The following HEATR5A variants were observed in gnomAD, a reference collection of about 807,000 sequenced individuals.
HEATR5A encodes the protein HEAT repeat containing 5A.
In HEATR5A, 178 loss-of-function variants were observed where a neutral mutation model predicts 218.8. That is an observed-to-expected ratio of 0.81 (90% CI 0.72 to 0.92). The LOEUF (loss-of-function observed/expected upper bound fraction) is 0.92, where lower values mean the gene tolerates loss of function less well. HEATR5A is among the 40% of genes least tolerant of loss of function. HEATR5A has a pLI of 0.00. For synonymous variants in HEATR5A, 864 were observed against 871.6 expected (o/e 0.99, Z 0.15); for missense variants, 2,420 against 2,418.9 (o/e 1.00, Z -0.01).
At chr14:31,303,202 A>C (rs140867614) in intron 32 of HEATR5A, among the ~76,000 whole-genome samples, 5,439 of 152,292 alleles carry the variant, frequency 0.036, 281 homozygotes, top group African/African-American at 0.12. Flanking sequence ...TGGGAGGCCA[A>C]GGCGGGTAGA....
At chr14:31,340,450 C>T (rs1374274919) in intron 21 of HEATR5A, 1 of 1,288,552 alleles carries the variant, frequency 7.8e-7, no homozygotes, top group Non-Finnish European at 1.0e-6. Flanking sequence ...AGGGACCTAC[C>T]AACACAGAAT....
chr14:31,357,154 G>C (rs1901452650), intron 16 of HEATR5A, among the ~76,000 whole-genome samples: 1 of 152,028 alleles, frequency 6.6e-6, no homozygotes, highest in Non-Finnish European at 1.5e-5. Flanking sequence ...TATAGTTACA[G>C]TATTACAGGA....
At chr14:31,328,618 G>A (rs1900352520) in intron 22 of HEATR5A, among the ~76,000 whole-genome samples, 2 of 152,048 alleles carry the variant, frequency 1.3e-5, no homozygotes, top group African/African-American at 4.8e-5. Context: ...AGTGGCTCAC[G>A]CCCATAATCC....
chr14:31,336,056 C>G (rs1447499895), intron 22 of HEATR5A, among the ~76,000 whole-genome samples: 1 of 150,202 alleles, frequency 6.7e-6, no homozygotes, highest in African/African-American at 2.4e-5. Flanking sequence ...ACAGCAACCT[C>G]AAACTCCTGG....
At chr14:31,410,248 C>T (rs2031227540) in intron 1 of HEATR5A, among the ~76,000 whole-genome samples, 1 of 152,162 alleles carries the variant, frequency 6.6e-6, no homozygotes, top group Non-Finnish European at 1.5e-5. Flanking sequence ...CTTCAACTCA[C>T]CCTATAGTCT....
At chr14:31,313,340 TAC>T in intron 27 of HEATR5A, 150 bp from the exon 28 acceptor site, 1 of 629,494 alleles carries the variant, frequency 1.6e-6, no homozygotes, top group South Asian at 2.0e-5. Flanking sequence ...TCTGTGTAAC[TAC>T]ACACAGAAAA....
intron 11 of HEATR5A, 92 bp downstream of exon 11, chr14:31,380,374 TA>T (rs1386061825): frequency 4.8e-5 from 39 of 805,448 alleles, no homozygotes; most frequent in Admixed American, 1.2e-4. Context: ...TGGTATGTAT[TA>T]AAAGTTCATT....
chr14:31,404,247 A>T (rs976032323), intron 1 of HEATR5A, among the ~76,000 whole-genome samples: 22 of 152,236 alleles, frequency 1.4e-4, no homozygotes, highest in African/African-American at 4.8e-4. Flanking sequence ...ACCTAAATAG[A>T]AACATGTTAA....
intron 28 of HEATR5A, among the ~76,000 whole-genome samples, chr14:31,311,570 C>A (rs1216334582): frequency 6.6e-6 from 1 of 151,758 alleles, no homozygotes; most frequent in African/African-American, 2.4e-5. Flanking sequence ...CTACATCACA[C>A]CCAGCTTATA....
intron 22 of HEATR5A, among the ~76,000 whole-genome samples, chr14:31,335,749 G>T (rs999781048): frequency 1.3e-5 from 2 of 152,134 alleles, no homozygotes; most frequent in African/African-American, 2.4e-5. Context: ...CCCCTCCTGG[G>T]TTCAACTGAT....
chr14:31,394,336 A>G (rs2030565857), intron 5 of HEATR5A, 110 bp from the exon 6 acceptor site: 1 of 549,432 alleles, frequency 1.8e-6, no homozygotes, highest in Non-Finnish European at 3.0e-6. Flanking sequence ...ATACAAATTC[A>G]AAGTATCTAT....
intron 25 of HEATR5A, among the ~76,000 whole-genome samples, chr14:31,318,525 C>T (rs1899984124): frequency 6.6e-6 from 1 of 152,266 alleles, no homozygotes; most frequent in East Asian, 1.9e-4. Flanking sequence ...CTCGCCCTGT[C>T]GCCCAGGCAG....
intron 9 of HEATR5A, 55 bp downstream of exon 9, chr14:31,386,365 T>A: frequency 7.1e-7 from 1 of 1,401,554 alleles, no homozygotes; most frequent in Non-Finnish European, 9.8e-7. Context: ...TTTCCTTCCT[T>A]GGAACAAAGT....
At chr14:31,372,054 A>C (rs1902054353) in intron 12 of HEATR5A, 145 bp from the exon 13 acceptor site, 1 of 498,442 alleles carries the variant, frequency 2.0e-6, no homozygotes, top group African/African-American at 2.0e-5. Flanking sequence ...TAGTATAAAA[A>C]GGTATATAGT....
chr14:31,345,389 G>A (rs1900986863), intron 19 of HEATR5A, 113 bp from the exon 20 acceptor site: 1 of 763,584 alleles, frequency 1.3e-6, no homozygotes, highest in Admixed American at 3.2e-5. Flanking sequence ...AAATGTGAAT[G>A]CTACTACTCA....
At chr14:31,303,671 A>G (rs1241504567) in intron 32 of HEATR5A, among the ~76,000 whole-genome samples, 1 of 152,178 alleles carries the variant, frequency 6.6e-6, no homozygotes, top group Non-Finnish European at 1.5e-5. Flanking sequence ...TATACACGAA[A>G]AAACAAAACT....
intron 23 of HEATR5A, among the ~76,000 whole-genome samples, chr14:31,324,215 T>C (rs1190418262): frequency 6.6e-6 from 1 of 151,346 alleles, no homozygotes; most frequent in Non-Finnish European, 1.5e-5. Context: ...GTTTTAACAC[T>C]GGAGCCTTGC....
intron 7 of HEATR5A, among the ~76,000 whole-genome samples, chr14:31,388,337 A>C (rs1175824124): frequency 6.6e-6 from 1 of 152,194 alleles, no homozygotes; most frequent in African/African-American, 2.4e-5. Flanking sequence ...AAGAAGGCAG[A>C]TATCTCTTTG....
At chr14:31,342,462 C>A (rs957478577) in intron 21 of HEATR5A, among the ~76,000 whole-genome samples, 1 of 152,108 alleles carries the variant, frequency 6.6e-6, no homozygotes, top group Non-Finnish European at 1.5e-5. Flanking sequence ...GTTGAAGACA[C>A]ATGTCAAGAC....
Sources: allele counts gnomAD v4.1 joint callset (sites outside exome capture counted in the v4.1 genomes callset), GRCh38; gene constraint gnomAD v4.1.1; transcripts MANE v1.5; gene names NCBI Gene and HGNC (gene_info 2026-07-23, HGNC 2026-07-21).